The following STX8 variants were observed in gnomAD, a reference collection of about 807,000 sequenced individuals.
STX8 encodes syntaxin-8.
STX8 carries 23 observed loss-of-function variants against 37.5 expected under a neutral mutation model. The ratio of observed to expected loss-of-function variants is 0.61; its 90% CI spans 0.44 to 0.87. STX8 has a LOEUF of 0.87. STX8 is among the 40% of genes least tolerant of loss of function. STX8 has a pLI of 0.00. For synonymous variants in STX8, 115 were observed against 99.1 expected, an observed-to-expected ratio of 1.16 and a Z score of -0.95; for missense variants, 313 against 284.7, an observed-to-expected ratio of 1.10 and a Z score of -0.71.
At chr17:9,365,959 C>A (rs1047252446) in intron 7 of STX8, among the ~76,000 whole-genome samples, 1 of 151,738 alleles carries the variant, frequency 6.6e-6, no homozygotes, top group Non-Finnish European at 1.5e-5. Context: ...GGCAACAGAG[C>A]GAGACTCTGT....
chr17:9,446,047 A>C (rs935992230), intron 6 of STX8, among the ~76,000 whole-genome samples: 3 of 152,122 alleles, frequency 2.0e-5, no homozygotes, highest in Non-Finnish European at 4.4e-5. Context: ...CATGTTAGCC[A>C]GGATGGTCTC....
At chr17:9,293,544 A>C (rs192009213) in intron 7 of STX8, among the ~76,000 whole-genome samples, 244 of 152,216 alleles carry the variant, frequency 1.6e-3, no homozygotes, top group East Asian at 8.9e-3. Flanking sequence ...GACCTGATTA[A>C]GGTCCTTGGA....
intron 7 of STX8, among the ~76,000 whole-genome samples, chr17:9,347,509 C>T (rs535316588): frequency 3.9e-5 from 6 of 152,250 alleles, no homozygotes; most frequent in Non-Finnish European, 8.8e-5. Context: ...ACTACTTATT[C>T]CAGAACTTTC....
At position 9,566,953 on chromosome 17, in the gene STX8, C is replaced by G. The variant is rs150725812; in HGVS notation, c.117+1418G>C. Among the ~76,000 whole-genome samples, 545 of 152,210 alleles carry G rather than the reference C, an allele frequency of 3.6e-3. 2 individuals are homozygous for G. Among genetic ancestry groups the G allele is most frequent in the African/African-American group, 0.012 (516 of 41,540 alleles). On this transcript the variant is annotated intron_variant, in intron 2 of 7. Transcript: ENST00000306357. ...AATATTATGCCGCCATAAAAAAGATCGAGATCATGTCCTTTGCAGGAACAT... is the reference window on the plus strand; with the variant it reads ...AATATTATGCCGCCATAAAAAAGATGGAGATCATGTCCTTTGCAGGAACAT...
intron 6 of STX8, among the ~76,000 whole-genome samples, chr17:9,450,875 T>A (rs1165457116): frequency 1.3e-5 from 2 of 152,090 alleles, no homozygotes; most frequent in Non-Finnish European, 2.9e-5. Context: ...CCAAATGACA[T>A]CCTGAAACAA....
chr17:9,257,404 C>T (rs573030001), intron 7 of STX8, among the ~76,000 whole-genome samples: 2 of 152,252 alleles, frequency 1.3e-5, no homozygotes, highest in Admixed American at 1.3e-4. Context: ...CTTGTGCTGC[C>T]AACGCCCCTG....
intron 6 of STX8, among the ~76,000 whole-genome samples, chr17:9,437,293 C>T (rs951572493): frequency 6.6e-6 from 1 of 152,142 alleles, no homozygotes; most frequent in African/African-American, 2.4e-5. Flanking sequence ...TTTTCTTTCC[C>T]CACCAAAAGT....
intron 7 of STX8, among the ~76,000 whole-genome samples, chr17:9,339,376 C>T (rs764088259): frequency 1.2e-4 from 18 of 152,092 alleles, no homozygotes; most frequent in Non-Finnish European, 1.9e-4. Flanking sequence ...CTCCTCAGGC[C>T]GGGTGCAGTG....
At chr17:9,299,726 G>A (rs1479506018) in intron 7 of STX8, among the ~76,000 whole-genome samples, 3 of 152,136 alleles carry the variant, frequency 2.0e-5, no homozygotes, top group Non-Finnish European at 4.4e-5. Context: ...ACAGGTGTGA[G>A]CCACCGTGCT....
chr17:9,470,507 T>C lies in STX8; in HGVS notation c.541+21322A>G, dbSNP rs543052465. ...GCCAAGCTCAGCTAAAGATCTTCAA[T>C]AATGAATGAAACTGTGAAGAGCTAC... On this transcript the variant is annotated intron_variant, in intron 6 of 7. Coordinates refer to ENST00000306357, the MANE Select transcript of STX8 (RefSeq NM_004853.3). Among the ~76,000 whole-genome samples the C allele has an allele frequency of 2.6e-5, 4 of 152,336 alleles. No homozygotes were observed. The East Asian group carries it at 7.7e-4, about 29-fold the overall frequency.
chr17:9,452,271 A>T (rs1410010445), intron 6 of STX8: 1 of 152,050 alleles, frequency 6.6e-6, no homozygotes, highest in African/African-American at 2.4e-5. Flanking sequence ...CCCTGCTTTC[A>T]AACACAAGAG....
At chr17:9,409,724 C>T (rs945305914) in intron 6 of STX8, among the ~76,000 whole-genome samples, 4 of 152,192 alleles carry the variant, frequency 2.6e-5, no homozygotes, top group South Asian at 2.1e-4. Context: ...TACATGAAGT[C>T]GTGTTTTGAA....
intron 7 of STX8, among the ~76,000 whole-genome samples, chr17:9,341,696 T>C (rs8075560): frequency 0.54 from 81,982 of 151,696 alleles, 22,785 homozygotes; most frequent in African/African-American, 0.66. Flanking sequence ...TTCGGCCTCC[T>C]AAAGTGCTGG....
At chr17:9,253,814 G>A (rs144933279) in intron 7 of STX8, among the ~76,000 whole-genome samples, 6 of 152,276 alleles carry the variant, frequency 3.9e-5, no homozygotes, top group African/African-American at 1.4e-4. Flanking sequence ...TCAAATCAGG[G>A]TGATTATGAG....
At position 9,505,113 on chromosome 17, in the gene STX8, G is replaced by A. The variant is rs142953284; in HGVS notation, c.373C>T (p.Leu125Phe). 46 of 1,613,914 alleles carry A rather than the reference G, an allele frequency of 2.9e-5. No homozygotes were observed. The highest frequency in any genetic ancestry group is 1.7e-6 in the Non-Finnish European group (2 of 1,180,028). ...EAKRGAPNPWLFEEPEETRGL... is the reference protein window; with the variant it reads ...EAKRGAPNPWFFEEPEETRGL... ...CTGGTCTCCTCTGGCTCCTCAAAGA[G>A]CCAAGGGTTGGGTGCTCCTCGCTTA... The change falls in exon 5 of 8, where the codon CTC becomes TTC. Residue 125 changes from leucine (L) to phenylalanine (F), a missense_variant. Physicochemically the swap from Leu to Phe is conservative, Grantham distance 22. Coordinates refer to ENST00000306357, the MANE Select transcript of STX8 (RefSeq NM_004853.3).
intron 7 of STX8, among the ~76,000 whole-genome samples, chr17:9,250,911 A>G (rs1457692130): frequency 6.6e-6 from 1 of 152,044 alleles, no homozygotes; most frequent in Non-Finnish European, 1.5e-5. Flanking sequence ...TGAGGCCCCT[A>G]ACTCTAGCAT....
At chr17:9,448,679 G>T (rs1904938410) in intron 6 of STX8, among the ~76,000 whole-genome samples, 1 of 152,134 alleles carries the variant, frequency 6.6e-6, no homozygotes. Flanking sequence ...TAGAAGCAGG[G>T]TTTCATTAAT....
intron 7 of STX8, among the ~76,000 whole-genome samples, chr17:9,275,921 TATA>T (rs1312159996): frequency 6.6e-6 from 1 of 151,786 alleles, no homozygotes; most frequent in Non-Finnish European, 1.5e-5. Context: ...GTAGCGTATA[TATA>T]ATGTGCTGCA....
chr17:9,391,913 C>G (rs879467102), intron 6 of STX8, among the ~76,000 whole-genome samples: 3 of 152,132 alleles, frequency 2.0e-5, no homozygotes, highest in Non-Finnish European at 4.4e-5. Context: ...CTGGATTCTC[C>G]TTTGAGAAGT....
Sources: allele counts gnomAD v4.1 joint callset (sites outside exome capture counted in the v4.1 genomes callset), GRCh38; gene constraint gnomAD v4.1.1; transcripts MANE v1.5; gene names NCBI Gene and HGNC (gene_info 2026-07-23, HGNC 2026-07-21).